Variants in CNTNAP4 observed in about 807,000 individuals in gnomAD.
CNTNAP4 encodes the protein contactin-associated protein-like 4.
A neutral mutation model predicts 148.4 loss-of-function variants in CNTNAP4; 98 were observed. That is an observed-to-expected ratio of 0.66 (90% confidence interval 0.56 to 0.78). The LOEUF (loss-of-function observed/expected upper bound fraction) is 0.78, where lower values mean the gene tolerates loss of function less well. Among genes scored for constraint, CNTNAP4 ranks in the 30% least tolerant of loss-of-function variants. The pLI is 0.00. For synonymous variants in CNTNAP4, 730 were observed against 565.1 expected (o/e 1.29, Z -4.14); for missense variants, 1,935 against 1,565.6 (o/e 1.24, Z -3.98).
intron 5 of CNTNAP4, 64 bp downstream of exon 5, chr16:76,448,279 G>A: frequency 8.9e-7 from 1 of 1,124,832 alleles, no homozygotes; most frequent in South Asian, 1.5e-5. Context: ...GTCACTTTAT[G>A]CTTTTATAGC....
intron 2 of CNTNAP4, among the ~76,000 whole-genome samples, chr16:76,345,268 C>G (rs554757851): frequency 3.9e-5 from 6 of 152,300 alleles, no homozygotes; most frequent in African/African-American, 1.4e-4. Context: ...ACATTCACTT[C>G]TAGGCAGTGC....
At chr16:76,375,055 C>T (rs2144658192) in intron 3 of CNTNAP4, among the ~76,000 whole-genome samples, 2 of 152,232 alleles carry the variant, frequency 1.3e-5, no homozygotes, top group Middle Eastern at 6.8e-3. Flanking sequence ...AGGCGTCAGC[C>T]ATCACGCCCG....
chr16:76,437,404 A>G (rs2079872152), intron 4 of CNTNAP4, among the ~76,000 whole-genome samples: 1 of 152,242 alleles, frequency 6.6e-6, no homozygotes, highest in Non-Finnish European at 1.5e-5. Context: ...TTAAAATAAG[A>G]TTAGCTATTA....
chr16:76,382,927 C>A (rs1179088360), intron 3 of CNTNAP4, among the ~76,000 whole-genome samples: 2 of 152,136 alleles, frequency 1.3e-5, no homozygotes, highest in Non-Finnish European at 2.9e-5. Flanking sequence ...AAAAGAATTT[C>A]ACTGGCCAAA....
chr16:76,413,755 A>G (rs2078882926), intron 3 of CNTNAP4, among the ~76,000 whole-genome samples: 1 of 151,276 alleles, frequency 6.6e-6, no homozygotes, highest in East Asian at 1.9e-4. Context: ...TCTACTATAA[A>G]CCTTTAAAAT....
intron 3 of CNTNAP4, among the ~76,000 whole-genome samples, chr16:76,413,899 T>C (rs548314034): frequency 2.6e-4 from 40 of 151,438 alleles, no homozygotes; most frequent in African/African-American, 9.6e-4. Flanking sequence ...TTTGTATAAA[T>C]GTTTAATTCA....
intron 18 of CNTNAP4, among the ~76,000 whole-genome samples, chr16:76,536,506 TG>T (rs1275157445): frequency 6.6e-6 from 1 of 152,186 alleles, no homozygotes; most frequent in African/African-American, 2.4e-5. Flanking sequence ...CTGTTACTAT[TG>T]TATTTGTTGA....
chr16:76,345,611 T>C (rs760932647), intron 2 of CNTNAP4, among the ~76,000 whole-genome samples: 11 of 152,136 alleles, frequency 7.2e-5, no homozygotes, highest in Non-Finnish European at 1.5e-4. Flanking sequence ...CTGTGTTTGC[T>C]AATTGGATCT....
At chr16:76,517,850 A>G (rs2083307862) in intron 15 of CNTNAP4, among the ~76,000 whole-genome samples, 1 of 152,286 alleles carries the variant, frequency 6.6e-6, no homozygotes, top group African/African-American at 2.4e-5. Flanking sequence ...TAACCCTGGG[A>G]AACCACAAAT....
At chr16:76,514,800 T>C (rs1435970531) in intron 15 of CNTNAP4, among the ~76,000 whole-genome samples, 2 of 152,212 alleles carry the variant, frequency 1.3e-5, no homozygotes, top group Admixed American at 6.5e-5. Context: ...ACATAGGTTA[T>C]TGTGTTCTGA....
intron 3 of CNTNAP4, among the ~76,000 whole-genome samples, chr16:76,382,876 G>C (rs939860699): frequency 1.3e-5 from 2 of 152,104 alleles, no homozygotes; most frequent in East Asian, 3.9e-4. Flanking sequence ...TGTTGTCAAA[G>C]ACTACTGGAG....
intron 3 of CNTNAP4, among the ~76,000 whole-genome samples, chr16:76,387,918 C>T (rs149092046): frequency 6.6e-6 from 1 of 152,022 alleles, no homozygotes; most frequent in African/African-American, 2.4e-5. Context: ...GATCTATTCC[C>T]CTCTTTTGTT....
At chr16:76,283,086 G>A (rs1312599206) in intron 1 of CNTNAP4, among the ~76,000 whole-genome samples, 1 of 151,836 alleles carries the variant, frequency 6.6e-6, no homozygotes, top group Non-Finnish European at 1.5e-5. Context: ...ATTGTGATGA[G>A]ATTCGTGATC....
intron 3 of CNTNAP4, among the ~76,000 whole-genome samples, chr16:76,357,768 C>T (rs967850618): frequency 6.6e-5 from 10 of 152,298 alleles, no homozygotes; most frequent in African/African-American, 2.4e-4. Flanking sequence ...TCCATCAGCT[C>T]TTCTTTTTAT....
At chr16:76,394,819 T>C (rs1204025108) in intron 3 of CNTNAP4, among the ~76,000 whole-genome samples, 1 of 152,180 alleles carries the variant, frequency 6.6e-6, no homozygotes, top group Non-Finnish European at 1.5e-5. Context: ...GAGTGATACA[T>C]CATTCCCATC....
chr16:76,415,772 A>C (rs920032416), intron 3 of CNTNAP4, among the ~76,000 whole-genome samples: 2 of 151,208 alleles, frequency 1.3e-5, no homozygotes, highest in Non-Finnish European at 1.5e-5. Context: ...TATTTTTACT[A>C]TTCTAGAATT....
chr16:76,407,208 T>C (rs2078626755), intron 3 of CNTNAP4, among the ~76,000 whole-genome samples: 1 of 152,096 alleles, frequency 6.6e-6, no homozygotes, highest in South Asian at 2.1e-4. Flanking sequence ...GTTTGCAACA[T>C]GGTTTACTGA....
intron 3 of CNTNAP4, among the ~76,000 whole-genome samples, chr16:76,392,899 T>C (rs756633332): frequency 2.5e-4 from 38 of 152,210 alleles, no homozygotes; most frequent in Admixed American, 2.5e-3. Context: ...GAAGTCAAAG[T>C]GCTTACACCA....
chr16:76,401,135 G>A (rs2078402204), intron 3 of CNTNAP4, among the ~76,000 whole-genome samples: 1 of 152,086 alleles, frequency 6.6e-6, no homozygotes, highest in Non-Finnish European at 1.5e-5. Flanking sequence ...GGGCAGTACG[G>A]CCATTTTAAT....
Sources: gnomAD v4.1 joint callset for allele counts (sites outside exome capture counted in the v4.1 genomes callset) on GRCh38, gnomAD v4.1.1 for gene constraint, MANE v1.5 for transcripts, NCBI Gene and HGNC (gene_info 2026-07-23, HGNC 2026-07-21) for gene names.